The following ADD1 variants were observed in gnomAD, a reference collection of about 807,000 sequenced individuals.
ADD1 encodes the protein alpha-adducin.
A neutral mutation model predicts 80.5 loss-of-function variants in ADD1; 24 were observed. That is an observed-to-expected ratio of 0.30 (90% CI 0.22 to 0.42). The LOEUF (loss-of-function observed/expected upper bound fraction) is 0.42, where lower values mean the gene tolerates loss of function less well. Among genes scored for constraint, ADD1 ranks in the 10% least tolerant of loss-of-function variants. The pLI, the probability that ADD1 is intolerant of heterozygous loss-of-function variation, is 1.00. For synonymous variants in ADD1, 373 were observed against 393.8 expected, an observed-to-expected ratio of 0.95 and a Z score of 0.63; for missense variants, 948 against 1,019.0, an observed-to-expected ratio of 0.93 and a Z score of 0.95.
At chr4:2,875,061 C>A (rs1445213151) in intron 1 of ADD1, among the ~76,000 whole-genome samples, 1 of 152,162 alleles carries the variant, frequency 6.6e-6, no homozygotes, top group Non-Finnish European at 1.5e-5. Context: ...ACCCCCATCT[C>A]TACAAAATTT....
intron 4 of ADD1, among the ~76,000 whole-genome samples, chr4:2,889,532 A>G (rs1733952052): frequency 6.6e-6 from 1 of 152,142 alleles, no homozygotes. Context: ...TTATTAAAAG[A>G]TACCATAGGC....
chr4:2,888,461 G>A (rs902874519), intron 4 of ADD1, among the ~76,000 whole-genome samples: 1 of 150,976 alleles, frequency 6.6e-6, no homozygotes, highest in African/African-American at 2.4e-5. Context: ...CTGTGGCCCA[G>A]GCTGGAGTGC....
intron 13 of ADD1, among the ~76,000 whole-genome samples, chr4:2,911,697 C>G (rs1343554033): frequency 6.6e-6 from 1 of 152,210 alleles, no homozygotes; most frequent in South Asian, 2.1e-4. Flanking sequence ...CTCAAGCAGT[C>G]CACCTGACTC....
At chr4:2,915,718 G>A (rs933977426) in intron 14 of ADD1, among the ~76,000 whole-genome samples, 19 of 152,310 alleles carry the variant, frequency 1.2e-4, no homozygotes, top group Middle Eastern at 3.4e-3. Context: ...AGCTACTCGG[G>A]AAGGCTGAGT....
At chr4:2,890,650 C>T (rs535570955) in intron 4 of ADD1, among the ~76,000 whole-genome samples, 8 of 152,046 alleles carry the variant, frequency 5.3e-5, no homozygotes, top group South Asian at 2.1e-4. Context: ...CCTTGTGATC[C>T]GCCCTTCTCG....
rs916115877 is a variant in ADD1 at position 2,926,868 on chromosome 4, G to A, written c.2047+756G>A. 1.3e-5 allele frequency among the ~76,000 whole-genome samples: 2 copies of A among 152,230 alleles called. No individual in the cohort carries two copies. Among genetic ancestry groups the A allele is most frequent in the Non-Finnish European group, 2.9e-5 (2 of 68,040 alleles). ...ACCTGAGTGCTGTGCTGCCTTCAGC[G>A]GCAGCGGGTACCTCCACGCACCTAG... is the stretch of plus-strand genomic sequence containing the variant. On this transcript the variant is annotated intron_variant, in intron 15 of 15. Transcript: ENST00000683351. The surrounding 1 kb of genome is among the most constrained non-coding windows in gnomAD (Gnocchi z 5.0).
At chr4:2,864,699 G>T (rs929005490) in intron 1 of ADD1, among the ~76,000 whole-genome samples, 1 of 151,884 alleles carries the variant, frequency 6.6e-6, no homozygotes, top group Non-Finnish European at 1.5e-5. Flanking sequence ...TCTTGTCAGG[G>T]TCCCTGGCTC....
chr4:2,850,852 G>A (rs1165951356), intron 1 of ADD1, among the ~76,000 whole-genome samples: 1 of 152,250 alleles, frequency 6.6e-6, no homozygotes, highest in Non-Finnish European at 1.5e-5. Flanking sequence ...TTACAGGTGT[G>A]AGCCACTGTA....
intron 5 of ADD1, 80 bp downstream of exon 5, chr4:2,894,173 G>T (rs1014069271): frequency 1.7e-6 from 2 of 1,174,902 alleles, no homozygotes. Context: ...AGCTAAATAT[G>T]TAAAACCCAA....
intron 1 of ADD1, among the ~76,000 whole-genome samples, chr4:2,858,835 A>G (rs1413673915): frequency 6.6e-6 from 1 of 152,220 alleles, no homozygotes; most frequent in African/African-American, 2.4e-5. Context: ...AACAAAGAAT[A>G]ATAAACATAT....
Position 2,907,918 on chromosome 4 carries a change from C to T in ADD1, c.1608+74C>T, listed in dbSNP as rs540810720. On this transcript the variant is annotated intron_variant, in intron 11 of 15. Coordinates refer to ENST00000683351, the MANE Select transcript of ADD1 (RefSeq NM_001354761.2). ...GGGATGCCAGCTGCTTTGGGGGGAG[C>T]GGGTGCTTGCTTCTAGCAGAGGGCA... The T allele has an allele frequency of 3.1e-4, 386 of 1,235,788 alleles. 6 individuals carry two copies. In the South Asian group the frequency reaches 4.3e-3, roughly 14 times the overall value. The allele number at this position is 1,235,788 out of a possible 1,614,324, so 76.6% of individuals were successfully genotyped here. A position where few individuals can be genotyped will look rare whatever the true frequency, so the allele number is the denominator to read the frequency against.
chr4:2,888,894 TAC>T (rs1733845021), intron 4 of ADD1, among the ~76,000 whole-genome samples: 1 of 152,120 alleles, frequency 6.6e-6, no homozygotes, highest in African/African-American at 2.4e-5. Flanking sequence ...ATGAAATATA[TAC>T]TGTTTACAGC....
intron 4 of ADD1, among the ~76,000 whole-genome samples, chr4:2,892,524 TG>T (rs1022979069): frequency 1.3e-5 from 2 of 152,136 alleles, no homozygotes; most frequent in African/African-American, 4.8e-5. Flanking sequence ...GATGTGGTGT[TG>T]TAGAGACTTA....
intron 9 of ADD1, chr4:2,901,358 C>T (rs1736145161): frequency 6.6e-6 from 1 of 152,070 alleles, no homozygotes; most frequent in Non-Finnish European, 1.5e-5. Context: ...GAAAGCACAT[C>T]CTAGAAGGCG....
At chr4:2,909,277 T>C (rs1255939900) in intron 12 of ADD1, 62 bp from the exon 13 acceptor site, 2 of 1,376,784 alleles carry the variant, frequency 1.5e-6, no homozygotes, top group Admixed American at 3.9e-5. Flanking sequence ...CATCCTGTGC[T>C]CTCAGCTGAT....
At chr4:2,908,932 G>A in intron 12 of ADD1, 1 of 452,748 alleles carries the variant, frequency 2.2e-6, no homozygotes, top group South Asian at 2.4e-5. Context: ...GGAGAGGGTG[G>A]GTTTAGGGAC....
At chr4:2,906,019 A>G (rs1283196320) in intron 10 of ADD1, among the ~76,000 whole-genome samples, 2 of 152,270 alleles carry the variant, frequency 1.3e-5, no homozygotes, top group Non-Finnish European at 1.5e-5. Flanking sequence ...TGACTAGTTC[A>G]TTAGGAGTTC....
rs558962409 is a variant in ADD1 at position 2,907,777 on chromosome 4, C to G, written c.1541C>G (p.Ser514Cys). 1 of 1,614,142 alleles carries G rather than the reference C, an allele frequency of 6.2e-7. No individual in the cohort carries two copies. Among genetic ancestry groups the G allele is most frequent in the Non-Finnish European group, 8.5e-7 (1 of 1,180,026 alleles). Residue 514 changes from serine to cysteine, a missense_variant, in exon 11 of 16, where the codon TCT becomes TGT. By Grantham distance (112) the Ser-to-Cys change is moderately radical (BLOSUM62 -1). Coordinates refer to ENST00000683351, the MANE Select transcript of ADD1 (RefSeq NM_001354761.2). ...TKEDGHRTSTSAVPNLFVPLN... is the reference protein window; with the variant it reads ...TKEDGHRTSTCAVPNLFVPLN... The stretch of plus-strand genomic sequence containing the variant: ...GAGGATGGACATAGAACTTCCACCT[C>G]TGCTGTCCCTAACCTGTTTGTTCCA...
intron 2 of ADD1, among the ~76,000 whole-genome samples, chr4:2,877,813 C>G (rs1230398487): frequency 6.6e-6 from 1 of 152,052 alleles, no homozygotes; most frequent in Non-Finnish European, 1.5e-5. Context: ...GCATCTCTAC[C>G]AAAAATATAA....
Sources: gnomAD v4.1 joint callset for allele counts (sites outside exome capture counted in the v4.1 genomes callset) on GRCh38, gnomAD v4.1.1 for gene constraint, Gnocchi (gnomAD v3.1) non-coding constraint, MANE v1.5 for transcripts, NCBI Gene and HGNC (gene_info 2026-07-23, HGNC 2026-07-21) for gene names.